CDC7: variants seen among roughly 807,000 people sequenced by gnomAD.
CDC7 encodes cell division cycle 7.
In CDC7, 34 loss-of-function variants were observed where a neutral mutation model predicts 53.5. That is an observed-to-expected ratio of 0.64 (90% CI 0.48 to 0.85). The LOEUF (loss-of-function observed/expected upper bound fraction) is 0.85. Among genes scored for constraint, CDC7 ranks in the 40% least tolerant of loss-of-function variants. CDC7 has a pLI of 0.00. For synonymous variants in CDC7, 211 were observed against 222.8 expected (o/e 0.95, Z 0.47); for missense variants, 594 against 679.7 (o/e 0.87, Z 1.40).
intron 2 of CDC7, among the ~76,000 whole-genome samples, chr1:91,504,779 A>G (rs1666896245): frequency 6.6e-6 from 1 of 152,196 alleles, no homozygotes; most frequent in East Asian, 1.9e-4. Flanking sequence ...CAGAATAACC[A>G]TGACTATATG....
At chr1:91,508,486 G>T in intron 4 of CDC7, 89 bp downstream of exon 4, 2 of 997,486 alleles carry the variant, frequency 2.0e-6, no homozygotes, top group East Asian at 5.7e-5. Flanking sequence ...GGGATTATAT[G>T]TGAATTAAAT....
intron 9 of CDC7, chr1:91,515,593 G>T (rs1158375432): frequency 1.0e-5 from 2 of 194,476 alleles, no homozygotes; most frequent in Non-Finnish European, 1.9e-5. Context: ...GAGTAAGTCC[G>T]GGGAACTAGT....
chr1:91,505,691 CT>C (rs1466997070), intron 2 of CDC7, among the ~76,000 whole-genome samples: 1 of 152,190 alleles, frequency 6.6e-6, no homozygotes, highest in African/African-American at 2.4e-5. Flanking sequence ...CATGAATGCA[CT>C]TTTCTGCTTT....
At chr1:91,505,376 A>G (rs187552054) in intron 2 of CDC7, among the ~76,000 whole-genome samples, 4 of 152,326 alleles carry the variant, frequency 2.6e-5, no homozygotes, top group Admixed American at 2.6e-4. Flanking sequence ...ACTTAGCTTT[A>G]TCAGAATACT....
At chr1:91,508,088 ACAG>A (rs1667085995) in intron 3 of CDC7, 151 bp downstream of exon 3, 1 of 793,026 alleles carries the variant, frequency 1.3e-6, no homozygotes, top group Non-Finnish European at 1.9e-6. Flanking sequence ...AATTATGGTA[ACAG>A]CTTTTCTTTT....
intron 11 of CDC7, among the ~76,000 whole-genome samples, chr1:91,523,033 C>CT (rs1282485415): frequency 6.6e-6 from 1 of 152,006 alleles, no homozygotes; most frequent in Non-Finnish European, 1.5e-5. Context: ...GTGTGATTAA[C>CT]TTTTTTTTGC....
intron 3 of CDC7, 143 bp from the exon 4 acceptor site, chr1:91,508,119 A>G (rs1045012730): frequency 6.7e-6 from 5 of 747,704 alleles, no homozygotes; most frequent in African/African-American, 1.8e-5. Context: ...TAAAGAAAGA[A>G]TAAATAATAA....
chr1:91,513,135 A>C lies in CDC7; in HGVS notation c.650A>C (p.Glu217Ala). The change falls in exon 7 of 12, where the codon GAA becomes GCA. Residue 217 changes from glutamate to alanine, a missense_variant. Coordinates refer to ENST00000234626, the MANE Select transcript of CDC7 (RefSeq NM_003503.4). Reference sequence around the variant, plus strand: ...GAGCTTCTTAAATTTGTCCAGTCTGAAGCTCAGCAGGAAAGGTGTTCACAA... The same window carrying C: ...GAGCTTCTTAAATTTGTCCAGTCTGCAGCTCAGCAGGAAAGGTGTTCACAA... ...KIELLKFVQS[E>A]AQQERCSQNK... The C allele has an allele frequency of 6.2e-7, 1 of 1,613,728 alleles. No homozygotes were observed. The highest frequency in any genetic ancestry group is 1.7e-5 in the Admixed American group (1 of 59,952).
At chr1:91,518,177 A>ATT (rs942015472) in intron 10 of CDC7, among the ~76,000 whole-genome samples, 2 of 151,522 alleles carry the variant, frequency 1.3e-5, no homozygotes, top group African/African-American at 4.8e-5. Flanking sequence ...GAAGTCAACA[A>ATT]TTAAGAGAGA....
chr1:91,507,969 CGAG>C (rs759075280), intron 3 of CDC7, 32 bp downstream of exon 3: 7 of 1,521,618 alleles, frequency 4.6e-6, no homozygotes, highest in Non-Finnish European at 6.2e-6. Context: ...ACTATTTTTA[CGAG>C]GTCTTTTTTC....
intron 10 of CDC7, among the ~76,000 whole-genome samples, chr1:91,517,331 A>G (rs1667615194): frequency 6.6e-6 from 1 of 152,166 alleles, no homozygotes; most frequent in Non-Finnish European, 1.5e-5. Context: ...GGTATTGGTA[A>G]TAGGAATGAA....
Position 91,511,822 on chromosome 1 carries a change from T to C in CDC7, c.471T>C (p.Tyr157=). The part of the protein sequence containing the change: ...NSLSFQEVRE[Y]MLNLFKALKR... ...TTTCCTTTCAAGAAGTACGGGAATA[T>C]ATGCTTAATCTGTTCAAAGCTTTGA... The change falls in exon 6 of 12, where the codon TAT becomes TAC. Residue 157 remains tyrosine, a synonymous_variant. Transcript: ENST00000234626. 6.2e-7 allele frequency: 1 copy of C among 1,607,362 alleles called. No homozygotes were observed. Among genetic ancestry groups the C allele is most frequent in the Non-Finnish European group, 8.5e-7 (1 of 1,174,848 alleles).
rs71087957 is a variant in CDC7, at chr1:91,519,256, CAAAA to C, written c.1181-851_1181-848del. ...CAAAACCTCGTCTCTACTAAAAATACAAAAAAAAAAAAAAAAAAAAAAAAAAGAG... is the reference window on the plus strand; with the variant it reads ...CAAAACCTCGTCTCTACTAAAAATACAAAAAAAAAAAAAAAAAAAAAAGAG... On this transcript the variant is annotated intron_variant, in intron 10 of 11. Transcript: ENST00000234626. Among the ~76,000 whole-genome samples the C allele has an allele frequency of 7.6e-4, 46 of 60,198 alleles. No homozygotes were observed. The East Asian group carries it at 0.014, about 19-fold the overall frequency. The allele number at this position is 60,198 out of a possible 152,430, so 39.5% of individuals were successfully genotyped here.
intron 2 of CDC7, among the ~76,000 whole-genome samples, chr1:91,504,778 C>T (rs546872): frequency 0.054 from 8,212 of 152,224 alleles, 736 homozygotes; most frequent in African/African-American, 0.18. Context: ...CCAGAATAAC[C>T]ATGACTATAT....
In CDC7 at chr1:91,507,632, ATTTGG is replaced by A. The variant is rs1238482123; in HGVS notation, c.116-220_116-216del. Among the ~76,000 whole-genome samples the A allele has an allele frequency of 1.6e-4, 25 of 152,266 alleles. No homozygotes were observed. In the East Asian group the frequency reaches 4.8e-3, roughly 29 times the overall value. On this transcript the variant is annotated intron_variant, in intron 2 of 11. Coordinates refer to ENST00000234626, the MANE Select transcript of CDC7 (RefSeq NM_003503.4). ...AGTATATAATTCCAGTATAGTAGAA[ATTTGG>A]TGTATTTAATTCTGGGACTGTCATT...
Position 91,508,276 on chromosome 1 carries a change from G to T in CDC7, c.214G>T (p.Val72Phe). 6.2e-7 allele frequency: 1 copy of T among 1,601,410 alleles called. No homozygotes were observed. ...TTGTTTTACAGGCACTTTCAGCTCT[G>T]TTTATTTGGCCACAGCACAGTTACA... is the stretch of plus-strand genomic sequence containing the variant. Reference protein sequence around the residue: ...DKIGEGTFSSVYLATAQLQVG... With the variant: ...DKIGEGTFSSFYLATAQLQVG... Residue 72 changes from valine (V) to phenylalanine (F), a missense_variant, in exon 4 of 12, where the codon GTT (valine) becomes TTT (phenylalanine). Coordinates refer to ENST00000234626, the MANE Select transcript of CDC7 (RefSeq NM_003503.4).
intron 6 of CDC7, 74 bp downstream of exon 6, chr1:91,511,997 G>T: frequency 9.0e-7 from 1 of 1,107,606 alleles, no homozygotes; most frequent in Non-Finnish European, 1.3e-6. Context: ...TATATTTAAG[G>T]TATTGAACAT....
At chr1:91,502,854 GAAT>G (rs1666773844) in intron 2 of CDC7, among the ~76,000 whole-genome samples, 1 of 152,084 alleles carries the variant, frequency 6.6e-6, no homozygotes, top group South Asian at 2.1e-4. Flanking sequence ...GTTGGTGCTA[GAAT>G]AATCTTAAAA....
chr1:91,504,201 A>C (rs1453276292), intron 2 of CDC7, among the ~76,000 whole-genome samples: 1 of 150,436 alleles, frequency 6.6e-6, no homozygotes, highest in African/African-American at 2.5e-5. Context: ...TAACTCCTGC[A>C]CTCAAGCAAT....
Sources: gnomAD v4.1 joint callset for allele counts (sites outside exome capture counted in the v4.1 genomes callset) on GRCh38, gnomAD v4.1.1 for gene constraint, MANE v1.5 for transcripts, NCBI Gene and HGNC (gene_info 2026-07-23, HGNC 2026-07-21) for gene names.